The following PEBP4 variants were observed in gnomAD, a reference collection of about 807,000 sequenced individuals.
PEBP4 encodes the protein phosphatidylethanolamine-binding protein 4.
In PEBP4, 22 loss-of-function variants were observed where a neutral mutation model predicts 23.9. The ratio of observed to expected loss-of-function variants is 0.92; its 90% CI spans 0.66 to 1.31. The LOEUF is 1.31. Ranked by LOEUF, PEBP4 falls within the 40% of genes most tolerant of loss-of-function variation. The pLI, the probability that PEBP4 is intolerant of heterozygous loss-of-function variation, is 0.00. For missense variants in PEBP4, 324 were observed against 281.7 expected, an observed-to-expected ratio of 1.15 and a Z score of -1.07; for synonymous variants, 112 against 99.3, an observed-to-expected ratio of 1.13 and a Z score of -0.76.
intron 4 of PEBP4, among the ~76,000 whole-genome samples, chr8:22,769,483 C>A (rs1213407501): frequency 6.6e-6 from 1 of 152,220 alleles, no homozygotes; most frequent in Non-Finnish European, 1.5e-5. Flanking sequence ...GGTGAATAAG[C>A]AAAGACCTTC....
intron 4 of PEBP4, chr8:22,744,473 C>G (rs889532365): frequency 1.3e-5 from 2 of 152,236 alleles, no homozygotes; most frequent in East Asian, 3.9e-4. Flanking sequence ...AGATGCGGGC[C>G]CAGCCCTGCC....
At chr8:22,925,453 T>A in intron 2 of PEBP4, 1 of 491,434 alleles carries the variant, frequency 2.0e-6, no homozygotes, top group Non-Finnish European at 2.6e-6. Context: ...GCAGATTTCT[T>A]AATCTCTGGG....
In PEBP4 at chr8:22,905,885, G is replaced by A. The variant is rs577874451; in HGVS notation, c.258+14299C>T. 2.6e-5 allele frequency among the ~76,000 whole-genome samples: 4 copies of A among 152,314 alleles called. No individual in the cohort carries two copies. In the East Asian group the frequency reaches 7.7e-4, roughly 29 times the overall value. Reference sequence around the variant, plus strand: ...TCACGTGGCCCTGTTTCCCATCTGAGGTGGGGGCGGTGGAGGATGGGAGCG... The same window carrying A: ...TCACGTGGCCCTGTTTCCCATCTGAAGTGGGGGCGGTGGAGGATGGGAGCG... On this transcript the variant is annotated intron_variant, in intron 3 of 6. Coordinates refer to ENST00000256404, the MANE Select transcript of PEBP4 (RefSeq NM_144962.3).
intron 4 of PEBP4, among the ~76,000 whole-genome samples, chr8:22,750,429 C>T (rs114111848): frequency 0.012 from 1,897 of 152,268 alleles, 47 homozygotes; most frequent in African/African-American, 0.043. Context: ...TACATTAATG[C>T]TTTCATTTTC....
chr8:22,814,431 C>T (rs1468165813), intron 4 of PEBP4, among the ~76,000 whole-genome samples: 1 of 152,216 alleles, frequency 6.6e-6, no homozygotes, highest in Non-Finnish European at 1.5e-5. Context: ...GAGCTTTATC[C>T]TACTCCGTAC....
rs1447227149 is a variant in PEBP4 at position 22,856,100 on chromosome 8, AC to A, written c.259-38366del. Among the ~76,000 whole-genome samples, 3 of 151,678 alleles carry A rather than the reference AC, an allele frequency of 2.0e-5. No homozygotes were observed. In the East Asian group the frequency reaches 5.8e-4, roughly 29 times the overall value. On this transcript the variant is annotated intron_variant, in intron 3 of 6. Transcript: ENST00000256404. ...TAATATAATAAAAAGCAAACAAAAG[AC>A]CAAGAAGATATTTGTAACATATATG...
At chr8:22,725,040 G>T in intron 5 of PEBP4, 84 bp from the exon 6 acceptor site, 1 of 1,207,494 alleles carries the variant, frequency 8.3e-7, no homozygotes, top group South Asian at 1.2e-5. Flanking sequence ...TGGTCCTGCT[G>T]ACCTCCCTGG....
intron 3 of PEBP4, among the ~76,000 whole-genome samples, chr8:22,843,260 G>C (rs558373341): frequency 2.0e-5 from 3 of 152,294 alleles, no homozygotes; most frequent in African/African-American, 7.2e-5. Context: ...ACTGCGCCTG[G>C]CCAGGCCCTG....
intron 3 of PEBP4, among the ~76,000 whole-genome samples, chr8:22,877,637 C>G (rs1808150403): frequency 9.5e-6 from 1 of 105,196 alleles, no homozygotes; most frequent in Non-Finnish European, 2.0e-5. Flanking sequence ...CCCAGCCACC[C>G]TCACCCCAGG....
intron 3 of PEBP4, among the ~76,000 whole-genome samples, chr8:22,907,419 G>A (rs1808840016): frequency 6.6e-6 from 1 of 152,186 alleles, no homozygotes; most frequent in Non-Finnish European, 1.5e-5. Context: ...GGTTGAGACA[G>A]GAGAATCACT....
chr8:22,803,199 C>A (rs116951256), intron 4 of PEBP4, among the ~76,000 whole-genome samples: 1,696 of 152,242 alleles, frequency 0.011, 26 homozygotes, highest in South Asian at 0.061. Flanking sequence ...CGACCTCTTG[C>A]CCAATCTCTG....
At chr8:22,933,974 A>G (rs955861644) in intron 1 of PEBP4, among the ~76,000 whole-genome samples, 8 of 152,212 alleles carry the variant, frequency 5.3e-5, no homozygotes, top group African/African-American at 1.4e-4. Context: ...GGGAAAGGGA[A>G]GCTGGAGTGT....
At chr8:22,740,496 A>G (rs564251549) in intron 4 of PEBP4, among the ~76,000 whole-genome samples, 1 of 152,274 alleles carries the variant, frequency 6.6e-6, no homozygotes, top group Admixed American at 6.5e-5. Context: ...ACTTCTACGC[A>G]CACTAAAGTC....
At chr8:22,846,506 C>T (rs1807440357) in intron 3 of PEBP4, among the ~76,000 whole-genome samples, 1 of 152,192 alleles carries the variant, frequency 6.6e-6, no homozygotes, top group Non-Finnish European at 1.5e-5. Context: ...CCTACCTTTT[C>T]ACTTGGCTGC....
rs1805795329 is a variant in PEBP4, at chr8:22,775,422, C to CT, written c.357+42214dup. On this transcript the variant is annotated intron_variant, in intron 4 of 6. Coordinates refer to ENST00000256404, the MANE Select transcript of PEBP4 (RefSeq NM_144962.3). The surrounding 1 kb of genome is among the most constrained non-coding windows in gnomAD (Gnocchi z 4.8). ...GAGCGGCCTTGCCAACCAATCCCTC[C>CT]TTTACAACCATGCCGGGAGGGGTGC... 6.6e-6 allele frequency among the ~76,000 whole-genome samples: 1 copy of CT among 152,150 alleles called. No individual in the cohort carries two copies. Among genetic ancestry groups the CT allele is most frequent in the Non-Finnish European group, 1.5e-5 (1 of 68,016 alleles).
intron 4 of PEBP4, among the ~76,000 whole-genome samples, chr8:22,760,575 G>A (rs766301178): frequency 4.6e-5 from 7 of 152,086 alleles, no homozygotes; most frequent in Non-Finnish European, 8.8e-5. Flanking sequence ...GATGGCAGGG[G>A]GGGCAGTTGA....
intron 6 of PEBP4, among the ~76,000 whole-genome samples, 178 bp from the exon 7 acceptor site, chr8:22,713,714 T>A (rs1457376427): frequency 6.6e-6 from 1 of 152,212 alleles, no homozygotes; most frequent in East Asian, 1.9e-4. Flanking sequence ...CCCCCAGATG[T>A]TAGCAGAGCC....
intron 4 of PEBP4, among the ~76,000 whole-genome samples, chr8:22,786,283 T>C (rs1408440178): frequency 1.3e-5 from 2 of 152,112 alleles, no homozygotes; most frequent in Non-Finnish European, 2.9e-5. Flanking sequence ...TTTGTTTGTT[T>C]GTTTGTTTGT....
chr8:22,810,988 A>G (rs912077446), intron 4 of PEBP4, among the ~76,000 whole-genome samples: 1 of 152,014 alleles, frequency 6.6e-6, no homozygotes, highest in Non-Finnish European at 1.5e-5. Flanking sequence ...CGCTTGCCAT[A>G]AACCAACGAA....
Sources: allele counts gnomAD v4.1 joint callset (sites outside exome capture counted in the v4.1 genomes callset), GRCh38; gene constraint gnomAD v4.1.1; non-coding constraint Gnocchi (gnomAD v3.1); transcripts MANE v1.5; gene names NCBI Gene and HGNC (gene_info 2026-07-23, HGNC 2026-07-21).